ULK1: variants seen among roughly 807,000 people sequenced by gnomAD.
ULK1 encodes the protein serine/threonine-protein kinase ULK1.
A neutral mutation model predicts 117.5 loss-of-function variants in ULK1; 48 were observed. That is an observed-to-expected ratio of 0.41 (90% confidence interval 0.32 to 0.52). ULK1 has a LOEUF of 0.52. ULK1 is among the 20% of genes least tolerant of loss of function. ULK1 has a pLI of 0.29. For synonymous variants in ULK1, 790 were observed against 637.8 expected (o/e 1.24, Z -3.60); for missense variants, 1,387 against 1,473.4 (o/e 0.94, Z 0.96).
At position 131,895,833 on chromosome 12, in the gene ULK1, T is replaced by A. The variant is rs771006795; in HGVS notation, c.246+9T>A. 41 of 1,613,974 alleles carry A rather than the reference T, an allele frequency of 2.5e-5. No individual in the cohort carries two copies. The Middle Eastern group carries it at 6.6e-4, about 26-fold the overall frequency. Reference sequence around the variant, plus strand: ...CCCTGTACGACTTCCAGGTAAGGCCTCTGGGCTGCGGTCTGCTGGGGACCG... The same window carrying A: ...CCCTGTACGACTTCCAGGTAAGGCCACTGGGCTGCGGTCTGCTGGGGACCG... On this transcript the variant is annotated intron_variant, in intron 3 of 27. Coordinates refer to ENST00000321867, the MANE Select transcript of ULK1 (RefSeq NM_003565.4).
chr12:131,907,098 C>T (rs1889306568), intron 4 of ULK1, among the ~76,000 whole-genome samples, 174 bp downstream of exon 4: 1 of 152,132 alleles, frequency 6.6e-6, no homozygotes, highest in African/African-American at 2.4e-5. Flanking sequence ...CTTACTGCAA[C>T]CTCCACCTCC....
Position 131,922,458 on chromosome 12 carries a change from AG to A in ULK1, c.*1098del. ...AGCTCCCCGTCCAGCTTTGACAGTCAGTTTTGATGTCAGCTCCTCGGCAGGG... is the reference window on the plus strand; with the variant it reads ...AGCTCCCCGTCCAGCTTTGACAGTCATTTTGATGTCAGCTCCTCGGCAGGG... On this transcript the variant is annotated 3_prime_UTR_variant, in exon 28 of 28. Transcript: ENST00000321867. 3.3e-5 allele frequency: 6 copies of A among 181,688 alleles called. No homozygotes were observed. In the South Asian group the frequency reaches 3.9e-4, roughly 12 times the overall value. 11.3% of individuals were successfully genotyped at this position (181,688 alleles called of 1,614,324 possible).
chr12:131,915,146 G>C lies in ULK1; in HGVS notation c.1437G>C (p.Ser479=). The C allele has an allele frequency of 1.2e-6, 2 of 1,605,648 alleles. No homozygotes were observed. The highest frequency in any genetic ancestry group is 1.7e-6 in the Non-Finnish European group (2 of 1,176,362). Residue 479 remains serine (S), a synonymous_variant, in exon 17 of 28, where the codon TCG becomes TCC. Coordinates refer to ENST00000321867, the MANE Select transcript of ULK1 (RefSeq NM_003565.4). ...SPLGFARASP[S]PPAHAEHGGV... ...TGGGCTTTGCAAGGGCCAGCCCCTC[G>C]CCCCCTGCCCACGCTGAGCATGGAG...
Position 131,917,096 on chromosome 12 carries a change from ATGGGGGT to A in ULK1, c.2182+35_2182+41del, listed in dbSNP as rs765215001. ...GTGGGTGGGGCTCGGAGGCTGTGGG[ATGGGGGT>A]CGGAGGCTGTGGGATGGGGGTCGGA... On this transcript the variant is annotated intron_variant, in intron 21 of 27. Coordinates refer to ENST00000321867, the MANE Select transcript of ULK1 (RefSeq NM_003565.4). The A allele has an allele frequency of 5.7e-4, 704 of 1,232,838 alleles. 123 individuals are homozygous for A. Among genetic ancestry groups the A allele is most frequent in the Middle Eastern group, 9.6e-4 (4 of 4,164 alleles). 76.4% of individuals were successfully genotyped at this position (1,232,838 alleles called of 1,614,324 possible). A position where few individuals can be genotyped will look rare whatever the true frequency, so the allele number is the denominator to read the frequency against.
Position 131,921,409 on chromosome 12 carries a change from G to A in ULK1, c.*48G>A, listed in dbSNP as rs1217946026. On this transcript the variant is annotated 3_prime_UTR_variant, in exon 28 of 28. Transcript: ENST00000321867. ...CCCGTCCTGCCGAGCCCTGCAGAGTGGGCTCTGTGTGCTGGCTGGACTCCT... is the reference window on the plus strand; with the variant it reads ...CCCGTCCTGCCGAGCCCTGCAGAGTAGGCTCTGTGTGCTGGCTGGACTCCT... 6.3e-7 allele frequency: 1 copy of A among 1,598,632 alleles called. No homozygotes were observed. Among genetic ancestry groups the A allele is most frequent in the Non-Finnish European group, 8.5e-7 (1 of 1,179,368 alleles).
intron 11 of ULK1, 39 bp from the exon 12 acceptor site, chr12:131,910,673 G>A (rs1294554024): frequency 6.2e-7 from 1 of 1,612,994 alleles, no homozygotes; most frequent in Non-Finnish European, 8.5e-7. Context: ...GGAGGAGACA[G>A]GAGGATGGCC....
In ULK1 at chr12:131,916,549, C is replaced by A. The variant is rs748105779; in HGVS notation, c.2030C>A (p.Pro677His). Residue 677 changes from proline to histidine, a missense_variant, in exon 20 of 28, where the codon CCT (proline) becomes CAT (histidine). Pro to His is a moderately conservative substitution (Grantham distance 77). Transcript: ENST00000321867. Reference protein sequence around the residue: ...VGPFHGQPLGPGLRPGEDPKG... With the variant: ...VGPFHGQPLGHGLRPGEDPKG... ...CCCTTCCATGGTCAGCCGTTGGGCC[C>A]TGGCCTGCGGCCAGGCGAGGACCCC... is the stretch of plus-strand genomic sequence containing the variant. 2 of 1,605,756 alleles carry A rather than the reference C, an allele frequency of 1.2e-6. No individual in the cohort carries two copies. The highest frequency in any genetic ancestry group is 1.7e-6 in the Non-Finnish European group (2 of 1,178,284).
chr12:131,907,578 G>C, intron 5 of ULK1, 47 bp downstream of exon 5: 1 of 1,591,040 alleles, frequency 6.3e-7, no homozygotes, highest in Non-Finnish European at 8.6e-7. Context: ...GTCCCACAGG[G>C]CCCGCACCCA....
intron 20 of ULK1, 35 bp from the exon 21 acceptor site, chr12:131,916,918 C>A: frequency 1.3e-6 from 2 of 1,566,530 alleles, no homozygotes; most frequent in South Asian, 1.2e-5. Context: ...GTGGGGTGGG[C>A]CGGGCACCCA....
At chr12:131,904,292 G>A (rs942499791) in intron 3 of ULK1, among the ~76,000 whole-genome samples, 9 of 152,184 alleles carry the variant, frequency 5.9e-5, no homozygotes, top group Admixed American at 2.0e-4. Flanking sequence ...GACTACAGGC[G>A]TGCACTGTCA....
intron 16 of ULK1, 72 bp from the exon 17 acceptor site, chr12:131,915,011 C>G: frequency 6.7e-7 from 1 of 1,501,230 alleles, no homozygotes; most frequent in Non-Finnish European, 8.9e-7. Flanking sequence ...GCCTTGTCCC[C>G]AGGTCCTCTG....
chr12:131,900,642 C>A (rs1235924262), intron 3 of ULK1, among the ~76,000 whole-genome samples: 1 of 152,222 alleles, frequency 6.6e-6, no homozygotes, highest in African/African-American at 2.4e-5. Flanking sequence ...TGGTGGCCCC[C>A]CTGGCCAGCA....
At position 131,910,599 on chromosome 12, in the gene ULK1, G is replaced by T. The variant is rs577831556; in HGVS notation, c.860-113G>T. On this transcript the variant is annotated intron_variant, in intron 11 of 27. Coordinates refer to ENST00000321867, the MANE Select transcript of ULK1 (RefSeq NM_003565.4). ...GCCTCCCTCCTTCCTGCTGGTCGGG[G>T]TGTAGCCGGAAGTGGAGGGGATATG... The T allele has an allele frequency of 1.1e-5, 18 of 1,603,520 alleles. No homozygotes were observed. In the East Asian group the frequency reaches 3.1e-4, roughly 28 times the overall value.
At position 131,916,003 on chromosome 12, in the gene ULK1, C is replaced by G. The variant is rs142265536; in HGVS notation, c.1722C>G (p.Pro574=). 3,655 of 1,612,400 alleles carry G rather than the reference C, an allele frequency of 2.3e-3. 7 individuals are homozygous for G. The highest frequency in any genetic ancestry group is 2.7e-3 in the Non-Finnish European group (3,134 of 1,179,788). The part of the protein sequence containing the change: ...HVVRPKLPKP[P]TDPLGAVFSP... ...TCCGCCCCAAGCTGCCCAAACCCCC[C>G]ACGGACCCCCTGGGAGCTGTGTTCA... Residue 574 remains proline (P), a synonymous_variant, in exon 19 of 28, where the codon CCC becomes CCG. Transcript: ENST00000321867.
intron 14 of ULK1, 93 bp downstream of exon 14, chr12:131,913,351 C>T: frequency 7.8e-7 from 1 of 1,276,860 alleles, no homozygotes; most frequent in African/African-American, 1.5e-5. Context: ...GAGATCGCGC[C>T]ACTGCACTCC....
At chr12:131,896,712 T>A (rs1247208232) in intron 3 of ULK1, 1 of 152,330 alleles carries the variant, frequency 6.6e-6, no homozygotes, top group Non-Finnish European at 1.5e-5. Context: ...GGGCCATCCC[T>A]CCTGCTGCTT....
intron 3 of ULK1, among the ~76,000 whole-genome samples, chr12:131,900,141 G>C (rs1338713580): frequency 6.9e-6 from 1 of 144,054 alleles, no homozygotes; most frequent in African/African-American, 2.6e-5. Flanking sequence ...AAAAAAAACT[G>C]TTGTGGTTGT....
At chr12:131,917,868 G>A (rs142610752) in intron 22 of ULK1, among the ~76,000 whole-genome samples, 39 of 152,338 alleles carry the variant, frequency 2.6e-4, no homozygotes, top group Non-Finnish European at 3.7e-4. Context: ...CCCAGCTGCC[G>A]TGGGCTGTGC....
chr12:131,908,202 C>T (rs1417484814), intron 5 of ULK1, among the ~76,000 whole-genome samples: 2 of 152,128 alleles, frequency 1.3e-5, no homozygotes, highest in African/African-American at 2.4e-5. Flanking sequence ...CCCCTCGCCT[C>T]GCCCCACGCG....
Sources: gnomAD v4.1 joint callset for allele counts (sites outside exome capture counted in the v4.1 genomes callset) on GRCh38, gnomAD v4.1.1 for gene constraint, MANE v1.5 for transcripts, NCBI Gene and HGNC (gene_info 2026-07-23, HGNC 2026-07-21) for gene names.